Variants in CLIP2 observed in about 807,000 individuals in gnomAD.
CLIP2 encodes the protein CAP-Gly domain-containing linker protein 2.
Under a neutral mutation model 111.7 loss-of-function variants are expected in CLIP2, and 41 were observed. The observed-to-expected ratio is 0.37, with a 90% CI of 0.29 to 0.48. The LOEUF (loss-of-function observed/expected upper bound fraction) is 0.48. CLIP2 is among the 20% of genes least tolerant of loss of function. CLIP2 has a pLI of 0.99. For missense variants in CLIP2, 1,160 were observed against 1,422.1 expected (o/e 0.82, Z 2.96); for synonymous variants, 660 against 644.2 (o/e 1.02, Z -0.37).
At chr7:74,389,439 C>T (rs1791212896) in intron 13 of CLIP2, 180 bp downstream of exon 13, 2 of 577,422 alleles carry the variant, frequency 3.5e-6, no homozygotes, top group South Asian at 5.1e-5. Context: ...AAAGCCTCTA[C>T]ACTGTTTTCC....
intron 2 of CLIP2, among the ~76,000 whole-genome samples, chr7:74,327,503 C>G (rs1234556073): frequency 6.6e-6 from 1 of 152,174 alleles, no homozygotes; most frequent in South Asian, 2.1e-4. Flanking sequence ...GCCCCCACCC[C>G]CACAGAGGAT....
At chr7:74,356,302 A>G in intron 4 of CLIP2, 108 bp from the exon 5 acceptor site, 1 of 887,246 alleles carries the variant, frequency 1.1e-6, no homozygotes, top group Non-Finnish European at 1.9e-6. Context: ...GGCCCCAAGG[A>G]GGTGTCTTTC....
chr7:74,379,900 T>C (rs569917095), intron 10 of CLIP2: 1 of 152,278 alleles, frequency 6.6e-6, no homozygotes, highest in African/African-American at 2.4e-5. Context: ...TGAGCTGAGA[T>C]TGAGCCATTG....
rs1790797281 is a variant in CLIP2, at chr7:74,376,580, G to A, written c.2179G>A (p.Asp727Asn). The A allele has an allele frequency of 6.2e-7, 1 of 1,611,262 alleles. No homozygotes were observed. Among genetic ancestry groups the A allele is most frequent in the Admixed American group, 1.7e-5 (1 of 59,238 alleles). ...GCAGGAGGCCCAGGACCAGCGCCGG[G>A]ATGCCGAGCTGCGTGTGCACGAGCT... ...ELQEAQDQRR[D>N]AELRVHELEK... Residue 727 changes from aspartate to asparagine, a missense_variant, in exon 10 of 17, where the codon GAT becomes AAT. Asp to Asn is a conservative substitution (Grantham distance 23). This residue lies in a region of CLIP2 where 676 missense variants were observed against 777.8 expected (regional missense o/e 0.87). Transcript: ENST00000223398. This position sits in a 1 kb window ranked among gnomAD's most constrained non-coding sequence, Gnocchi z 7.1.
At chr7:74,345,138 T>C (rs1264431200) in intron 3 of CLIP2, among the ~76,000 whole-genome samples, 1 of 152,128 alleles carries the variant, frequency 6.6e-6, no homozygotes, top group Non-Finnish European at 1.5e-5. Flanking sequence ...TAGTTGGCCC[T>C]AGGAGATGGT....
chr7:74,309,524 GTCCT>G (rs1788586492), intron 1 of CLIP2, among the ~76,000 whole-genome samples: 1 of 152,032 alleles, frequency 6.6e-6, no homozygotes. Flanking sequence ...ACAATATGGA[GTCCT>G]TCGTGTCTAG....
chr7:74,358,782 G>T (rs1329285367), intron 6 of CLIP2, among the ~76,000 whole-genome samples: 7 of 151,514 alleles, frequency 4.6e-5, no homozygotes, highest in African/African-American at 1.7e-4. Context: ...TGTTGCCCAG[G>T]CTGGTCTGAA....
intron 4 of CLIP2, among the ~76,000 whole-genome samples, chr7:74,354,871 A>T (rs573522084): frequency 1.3e-5 from 2 of 152,312 alleles, no homozygotes; most frequent in South Asian, 2.1e-4. Context: ...AAATAATCAG[A>T]CAATGCCCAG....
At chr7:74,312,196 C>G (rs1481398553) in intron 1 of CLIP2, among the ~76,000 whole-genome samples, 1 of 152,152 alleles carries the variant, frequency 6.6e-6, no homozygotes, top group African/African-American at 2.4e-5. Flanking sequence ...TTGCAGTGAG[C>G]TGAGATTGCA....
At chr7:74,391,429 C>A (rs1329410046) in intron 13 of CLIP2, among the ~76,000 whole-genome samples, 1 of 152,116 alleles carries the variant, frequency 6.6e-6, no homozygotes, top group African/African-American at 2.4e-5. Flanking sequence ...GGGATTTCCT[C>A]AGAACACACT....
intron 13 of CLIP2, among the ~76,000 whole-genome samples, chr7:74,394,328 G>T (rs1400228125): frequency 7.4e-6 from 1 of 134,810 alleles, no homozygotes; most frequent in Non-Finnish European, 1.5e-5. Flanking sequence ...TCTGCTCACC[G>T]CAACCTCTGC....
At chr7:74,391,064 A>G (rs144281045) in intron 13 of CLIP2, among the ~76,000 whole-genome samples, 138 of 152,108 alleles carry the variant, frequency 9.1e-4, no homozygotes, top group Non-Finnish European at 1.5e-3. Context: ...AAAAGTAACT[A>G]TTTTCCAAAA....
chr7:74,301,635 G>T lies in CLIP2; in HGVS notation c.-68+11901G>T, dbSNP rs556397694. Among the ~76,000 whole-genome samples the T allele has an allele frequency of 2.7e-5, 4 of 149,488 alleles. No homozygotes were observed. The South Asian group carries it at 6.4e-4, about 24-fold the overall frequency. ...TCAAACTCCTGACCTCAGGTGATCC[G>T]CCCACCTCCACCTCCCAAAGTGTTG... On this transcript the variant is annotated intron_variant, in intron 1 of 16. Coordinates refer to ENST00000223398, the MANE Select transcript of CLIP2 (RefSeq NM_003388.5).
intron 3 of CLIP2, among the ~76,000 whole-genome samples, chr7:74,347,099 G>A (rs537232731): frequency 6.6e-6 from 1 of 151,966 alleles, no homozygotes; most frequent in African/African-American, 2.4e-5. Context: ...CCCCGTTCCT[G>A]CCTTGCCTGA....
intron 10 of CLIP2, among the ~76,000 whole-genome samples, chr7:74,377,561 C>T (rs1790828309): frequency 6.6e-6 from 1 of 152,210 alleles, no homozygotes; most frequent in South Asian, 2.1e-4. Context: ...CTCTGGGTAC[C>T]ACGTCTTATG....
chr7:74,338,069 G>A lies in CLIP2; in HGVS notation c.122-379G>A, dbSNP rs1260092928. Among the ~76,000 whole-genome samples the A allele has an allele frequency of 6.6e-6, 1 of 152,094 alleles. No individual in the cohort carries two copies. The highest frequency in any genetic ancestry group is 1.5e-5 in the Non-Finnish European group (1 of 68,018). On this transcript the variant is annotated intron_variant, in intron 2 of 16. Transcript: ENST00000223398. This position sits in a 1 kb window ranked among gnomAD's most constrained non-coding sequence, Gnocchi z 4.3. ...AATACAAAAATTAGCCCAGTGTAGT[G>A]GCAGGTGTCTGTGGTTTCAGCTACT...
At chr7:74,315,773 C>T (rs782362943) in intron 1 of CLIP2, among the ~76,000 whole-genome samples, 2 of 151,832 alleles carry the variant, frequency 1.3e-5, no homozygotes, top group Non-Finnish European at 2.9e-5. Context: ...GTTTCCGCCA[C>T]GTTGGCCAGG....
Position 74,375,930 on chromosome 7 carries a change from A to G in CLIP2, c.1529A>G (p.Glu510Gly). 2 of 1,595,210 alleles carry G rather than the reference A, an allele frequency of 1.3e-6. No homozygotes were observed. The highest frequency in any genetic ancestry group is 1.7e-6 in the Non-Finnish European group (2 of 1,172,286). ...AAGTCGCGCGTGCTGCAGCTGGAGG[A>G]GGAGCTCACCCTGCGCCGAGGTGAA... is the stretch of plus-strand genomic sequence containing the variant. ...AEKSRVLQLEEELTLRRGEIE... is the reference protein window; with the variant it reads ...AEKSRVLQLEGELTLRRGEIE... Residue 510 changes from glutamate to glycine, a missense_variant, in exon 10 of 17, where the codon GAG (glutamate) becomes GGG (glycine). By Grantham distance (98) the Glu-to-Gly change is moderately conservative. Around this residue, in one of 5 missense-constraint regions of CLIP2, gnomAD observed 676 missense variants for 777.8 expected, o/e 0.87. Coordinates refer to ENST00000223398, the MANE Select transcript of CLIP2 (RefSeq NM_003388.5).
chr7:74,381,705 A>T lies in CLIP2; in HGVS notation c.2479+842A>T, dbSNP rs1457499402. Reference sequence around the variant, plus strand: ...GCTCCTTCATTTATTCCATTTAACAATGTATCTTGGAGAGGGTTCCTTATC... The same window carrying T: ...GCTCCTTCATTTATTCCATTTAACATTGTATCTTGGAGAGGGTTCCTTATC... On this transcript the variant is annotated intron_variant, in intron 11 of 16. Coordinates refer to ENST00000223398, the MANE Select transcript of CLIP2 (RefSeq NM_003388.5). 3 of 447,238 alleles carry T rather than the reference A, an allele frequency of 6.7e-6. No homozygotes were observed. In the East Asian group the frequency reaches 2.1e-4, roughly 31 times the overall value. 27.7% of individuals were successfully genotyped at this position (447,238 alleles called of 1,614,324 possible).
Sources: gnomAD v4.1 joint callset for allele counts (sites outside exome capture counted in the v4.1 genomes callset) on GRCh38, gnomAD v4.1.1 for gene constraint, gnomAD v4.1.1 regional missense constraint, Gnocchi (gnomAD v3.1) non-coding constraint, MANE v1.5 for transcripts, NCBI Gene and HGNC (gene_info 2026-07-23, HGNC 2026-07-21) for gene names.